Variants in PPP2R1A observed in about 807,000 individuals in gnomAD.
PPP2R1A encodes protein phosphatase 2 scaffold subunit Aalpha, also known as serine/threonine-protein phosphatase 2A 65 kDa regulatory subunit A alpha isoform.
A neutral mutation model predicts 67.1 loss-of-function variants in PPP2R1A; 15 were observed. The observed-to-expected ratio is 0.22, with a 90% CI of 0.15 to 0.34. PPP2R1A has a LOEUF of 0.34. PPP2R1A is among the 10% of genes least tolerant of loss of function. The pLI is 1.00. For missense variants in PPP2R1A, 369 were observed against 775.0 expected, an observed-to-expected ratio of 0.48 and a Z score of 6.22; for synonymous variants, 337 against 325.0, an observed-to-expected ratio of 1.04 and a Z score of -0.40.
intron 13 of PPP2R1A, among the ~76,000 whole-genome samples, chr19:52,224,898 C>T (rs1447528827): frequency 2.0e-5 from 3 of 151,886 alleles, no homozygotes; most frequent in Non-Finnish European, 4.4e-5. Flanking sequence ...TGGGGGTTTT[C>T]CCATGTTGTC....
chr19:52,206,150 A>T, intron 3 of PPP2R1A, 87 bp downstream of exon 3: 1 of 1,211,554 alleles, frequency 8.3e-7, no homozygotes, highest in Non-Finnish European at 1.2e-6. Context: ...GGAGCGTGTC[A>T]GAGAGCGTGG....
rs10418798 is a variant in PPP2R1A at position 52,201,777 on chromosome 19, C to A, written c.79-167C>A. The A allele has an allele frequency of 5.0e-3, 2,942 of 591,758 alleles. 70 individuals carry two copies. Among genetic ancestry groups the A allele is most frequent in the African/African-American group, 0.049 (2,636 of 53,800 alleles). 36.7% of individuals were successfully genotyped at this position (591,758 alleles called of 1,614,324 possible). A position where few individuals can be genotyped will look rare whatever the true frequency, so the allele number is the denominator to read the frequency against. The stretch of plus-strand genomic sequence containing the variant: ...TACTATTGTTGTTATTTAATGATTC[C>A]CTCGAGGTCACAGGGTCTCTTGGTG... On this transcript the variant is annotated intron_variant, in intron 1 of 14. Coordinates refer to ENST00000322088, the MANE Select transcript of PPP2R1A (RefSeq NM_014225.6).
intron 2 of PPP2R1A, among the ~76,000 whole-genome samples, chr19:52,202,572 T>G (rs1310326935): frequency 6.6e-6 from 1 of 152,220 alleles, no homozygotes; most frequent in Non-Finnish European, 1.5e-5. Flanking sequence ...GTAATACTGC[T>G]GTCCCCATGT....
chr19:52,216,583 A>T lies in PPP2R1A; in HGVS notation c.1048A>T (p.Met350Leu). The change falls in exon 9 of 15, where the codon ATG becomes TTG. Residue 350 changes from methionine to leucine, a missense_variant. This residue lies in a region of PPP2R1A where 276 missense variants were observed against 508.4 expected (regional missense o/e 0.54). Transcript: ENST00000322088. The surrounding 1 kb of genome is among the most constrained non-coding windows in gnomAD (Gnocchi z 4.3). The part of the protein sequence containing the change: ...HVKSALASVI[M>L]GLSPILGKDN... ...CAAGTCTGCCCTGGCCTCAGTCATC[A>T]TGGGTCTCTCTCCCATCTTGGGCAA... The T allele has an allele frequency of 1.2e-6, 2 of 1,614,112 alleles. No homozygotes were observed. Among genetic ancestry groups the T allele is most frequent in the Non-Finnish European group, 1.7e-6 (2 of 1,180,020 alleles).
chr19:52,209,720 G>C (rs1344699494), intron 3 of PPP2R1A, among the ~76,000 whole-genome samples: 1 of 152,030 alleles, frequency 6.6e-6, no homozygotes, highest in Non-Finnish European at 1.5e-5. Flanking sequence ...GAGTTTGACT[G>C]TTCTAGATTC....
chr19:52,202,297 CT>C (rs1175449761), intron 2 of PPP2R1A, among the ~76,000 whole-genome samples: 4 of 152,156 alleles, frequency 2.6e-5, no homozygotes, highest in African/African-American at 9.7e-5. Context: ...AAGCTGGTGA[CT>C]TTAGACAAGT....
chr19:52,222,342 G>A (rs937485757), intron 13 of PPP2R1A, 101 bp downstream of exon 13: 182 of 1,454,824 alleles, frequency 1.3e-4, no homozygotes, highest in Non-Finnish European at 1.5e-4. Flanking sequence ...GCCTGGCAGC[G>A]CTCCTTGCTT....
At chr19:52,210,077 G>A (rs2089649706) in intron 3 of PPP2R1A, among the ~76,000 whole-genome samples, 1 of 152,132 alleles carries the variant, frequency 6.6e-6, no homozygotes, top group African/African-American at 2.4e-5. Context: ...GAGCCCTGGA[G>A]GCATTTCCAT....
chr19:52,202,952 T>G (rs1213532200), intron 2 of PPP2R1A, among the ~76,000 whole-genome samples: 3 of 152,270 alleles, frequency 2.0e-5, no homozygotes, highest in Non-Finnish European at 4.4e-5. Context: ...AAGCATTTAA[T>G]ACACTGTCTG....
rs557113009 is a variant in PPP2R1A at position 52,210,325 on chromosome 19, G to A, written c.271-935G>A. Among the ~76,000 whole-genome samples the A allele has an allele frequency of 2.6e-5, 4 of 152,044 alleles. No homozygotes were observed. In the East Asian group the frequency reaches 5.8e-4, roughly 22 times the overall value. On this transcript the variant is annotated intron_variant, in intron 3 of 14. Coordinates refer to ENST00000322088, the MANE Select transcript of PPP2R1A (RefSeq NM_014225.6). ...TTCTAGGCCCACAGTAACAACCAGC[G>A]AGCAGTCCCGAGCCCCATAGTCCCC...
rs1343039330 is a variant in PPP2R1A, at chr19:52,228,987, G to A, written c.*3006G>A. ...GCTTGAGCTGTGGTTGTCGCTAGAG[G>A]AGAATTACCATGGCTCCCCCGGGCA... On this transcript the variant is annotated 3_prime_UTR_variant, in exon 15 of 15. Transcript: ENST00000322088. 6.6e-6 allele frequency: 1 copy of A among 152,144 alleles called. No homozygotes were observed. Among genetic ancestry groups the A allele is most frequent in the Non-Finnish European group, 1.5e-5 (1 of 68,076 alleles). The allele number at this position is 152,144 out of a possible 1,614,324, so 9.4% of individuals were successfully genotyped here.
At chr19:52,201,696 T>A in intron 1 of PPP2R1A, 1 of 502,332 alleles carries the variant, frequency 2.0e-6, no homozygotes, top group Non-Finnish European at 3.7e-6. Context: ...TGCAACTGAG[T>A]AGGTGTCACC....
Position 52,211,583 on chromosome 19 carries a change from C to A in PPP2R1A, c.503+91C>A. The A allele has an allele frequency of 7.5e-7, 1 of 1,325,534 alleles. No homozygotes were observed. Among genetic ancestry groups the A allele is most frequent in the Non-Finnish European group, 1.0e-6 (1 of 967,896 alleles). 82.1% of individuals were successfully genotyped at this position (1,325,534 alleles called of 1,614,324 possible). A position where few individuals can be genotyped will look rare whatever the true frequency, so the allele number is the denominator to read the frequency against. On this transcript the variant is annotated intron_variant, in intron 4 of 14. Coordinates refer to ENST00000322088, the MANE Select transcript of PPP2R1A (RefSeq NM_014225.6). The surrounding 1 kb of genome is among the most constrained non-coding windows in gnomAD (Gnocchi z 5.3). ...GACTCCTTTTGGTCTAGCTGGGGCCCAAATGCCCCTGAACTCTCTCCACTC... is the reference window on the plus strand; with the variant it reads ...GACTCCTTTTGGTCTAGCTGGGGCCAAAATGCCCCTGAACTCTCTCCACTC...
At chr19:52,218,945 C>T (rs914261017) in intron 9 of PPP2R1A, among the ~76,000 whole-genome samples, 1 of 152,212 alleles carries the variant, frequency 6.6e-6, no homozygotes, top group Admixed American at 6.5e-5. Context: ...ATTCATCTGA[C>T]TTATATTTGA....
chr19:52,211,338 C>G lies in PPP2R1A; in HGVS notation c.349C>G (p.His117Asp), dbSNP rs767017930. Residue 117 changes from histidine (H) to aspartate (D), a missense_variant, in exon 4 of 15, where the codon CAC becomes GAC. Around this residue, in one of 2 missense-constraint regions of PPP2R1A, gnomAD observed 93 missense variants for 266.5 expected, o/e 0.35. Coordinates refer to ENST00000322088, the MANE Select transcript of PPP2R1A (RefSeq NM_014225.6). The surrounding 1 kb of genome is among the most constrained non-coding windows in gnomAD (Gnocchi z 5.3). Reference sequence around the variant, plus strand: ...AGTGGAGTCCTTACGGGCCATCTCACACGAGCACTCGCCCTCTGACCTGGA... The same window carrying G: ...AGTGGAGTCCTTACGGGCCATCTCAGACGAGCACTCGCCCTCTGACCTGGA... ...KAVESLRAIS[H>D]EHSPSDLEAH... is the part of the protein sequence containing the mutation. The G allele has an allele frequency of 6.2e-7, 1 of 1,614,046 alleles. No homozygotes were observed. The highest frequency in any genetic ancestry group is 1.1e-5 in the South Asian group (1 of 91,082).
At chr19:52,209,367 G>A (rs543804811) in intron 3 of PPP2R1A, among the ~76,000 whole-genome samples, 1 of 152,264 alleles carries the variant, frequency 6.6e-6, no homozygotes, top group South Asian at 2.1e-4. Flanking sequence ...CCATGATACT[G>A]TCCTGAACTT....
At chr19:52,207,858 A>C (rs1435420225) in intron 3 of PPP2R1A, among the ~76,000 whole-genome samples, 3 of 152,288 alleles carry the variant, frequency 2.0e-5, no homozygotes, top group Non-Finnish European at 2.9e-5. Flanking sequence ...GGTTGCTTTC[A>C]GAGCTGTAAA....
intron 1 of PPP2R1A, chr19:52,201,152 A>G (rs1224119412): frequency 6.6e-6 from 1 of 151,582 alleles, no homozygotes; most frequent in Non-Finnish European, 1.5e-5. Context: ...TTAGGATGAT[A>G]TTATCTGGAC....
intron 1 of PPP2R1A, among the ~76,000 whole-genome samples, chr19:52,193,254 G>A (rs978058121): frequency 6.6e-6 from 1 of 152,200 alleles, no homozygotes; most frequent in African/African-American, 2.4e-5. Context: ...AATCTGGGGT[G>A]GGACACACGG....
Sources: gnomAD v4.1 joint callset for allele counts (sites outside exome capture counted in the v4.1 genomes callset) on GRCh38, gnomAD v4.1.1 for gene constraint, gnomAD v4.1.1 regional missense constraint, Gnocchi (gnomAD v3.1) non-coding constraint, MANE v1.5 for transcripts, NCBI Gene and HGNC (gene_info 2026-07-23, HGNC 2026-07-21) for gene names.